Variants in PCDH15 observed in about 807,000 individuals in gnomAD.
The protein encoded by PCDH15 is protocadherin related 15, also known as protocadherin-15.
In PCDH15, 129 loss-of-function variants were observed where a neutral mutation model predicts 178.5. The ratio of observed to expected loss-of-function variants is 0.72; its 90% CI spans 0.63 to 0.84. PCDH15 has a LOEUF of 0.84. Ranked by LOEUF, PCDH15 falls within the 40% of genes least tolerant of loss-of-function variation. The pLI, the probability that PCDH15 is intolerant of heterozygous loss-of-function variation, is 0.00. For synonymous variants in PCDH15, 800 were observed against 732.0 expected (o/e 1.09, Z -1.50); for missense variants, 2,230 against 2,099.9 (o/e 1.06, Z -1.21).
chr10:54,011,808 C>G (rs762202637), intron 20 of PCDH15, among the ~76,000 whole-genome samples: 4 of 152,204 alleles, frequency 2.6e-5, no homozygotes, highest in African/African-American at 4.8e-5. Flanking sequence ...TCAAATTAGA[C>G]AGTTGAAAGA....
At chr10:55,137,165 A>G (rs1237334574) in intron 2 of PCDH15, among the ~76,000 whole-genome samples, 2 of 152,208 alleles carry the variant, frequency 1.3e-5, no homozygotes, top group Non-Finnish European at 2.9e-5. Flanking sequence ...GTACCGCATG[A>G]TATTTCATAC....
intron 37 of PCDH15, among the ~76,000 whole-genome samples, chr10:53,809,767 A>G (rs1433427549): frequency 6.6e-6 from 1 of 152,182 alleles, no homozygotes; most frequent in Admixed American, 6.6e-5. Flanking sequence ...TACAATACCC[A>G]AATATATTAA....
intron 20 of PCDH15, among the ~76,000 whole-genome samples, chr10:54,016,023 G>C (rs1364147883): frequency 6.6e-6 from 1 of 152,118 alleles, no homozygotes; most frequent in South Asian, 2.1e-4. Flanking sequence ...CTACGCATCT[G>C]ACAAAGGTCA....
chr10:54,175,804 A>G (rs955897633), intron 13 of PCDH15, among the ~76,000 whole-genome samples: 20 of 152,180 alleles, frequency 1.3e-4, no homozygotes, highest in African/African-American at 4.6e-4. Flanking sequence ...TTTCTATAAA[A>G]TTAGGCTATA....
intron 3 of PCDH15, among the ~76,000 whole-genome samples, chr10:54,418,303 A>G (rs368030787): frequency 1.3e-5 from 2 of 152,282 alleles, no homozygotes; most frequent in African/African-American, 4.8e-5. Context: ...TTATGTACAT[A>G]TGTGTATACA....
intron 17 of PCDH15, 61 bp downstream of exon 17, chr10:54,079,270 T>C: frequency 7.0e-7 from 1 of 1,435,830 alleles, no homozygotes; most frequent in Admixed American, 1.7e-5. Context: ...ATACATTGTT[T>C]AAGACTCTCT....
intron 3 of PCDH15, among the ~76,000 whole-genome samples, chr10:54,460,868 T>A (rs902614124): frequency 6.6e-6 from 1 of 152,104 alleles, no homozygotes; most frequent in African/African-American, 2.4e-5. Flanking sequence ...AAATAGCCAA[T>A]GCTAATTAGA....
chr10:54,461,376 A>C (rs780432513), intron 3 of PCDH15, among the ~76,000 whole-genome samples: 2 of 152,116 alleles, frequency 1.3e-5, no homozygotes, highest in Non-Finnish European at 2.9e-5. Context: ...ACATTAGCAC[A>C]CAAAAAAATA....
chr10:55,359,683 T>C lies in PCDH15; in HGVS notation c.-155-193032A>G, dbSNP rs544590104. Reference sequence around the variant, plus strand: ...CACCAAGATATATATTCAACCAAACTCCCTATCAATAGATGAACAAATAAA... The same window carrying C: ...CACCAAGATATATATTCAACCAAACCCCCTATCAATAGATGAACAAATAAA... On this transcript the variant is annotated intron_variant, in intron 2 of 5. Coordinates refer to the PCDH15 transcript ENST00000613346. Among the ~76,000 whole-genome samples the C allele has an allele frequency of 2.9e-3, 427 of 144,992 alleles. 1 individual carries two copies. The highest frequency in any genetic ancestry group is 0.011 in the African/African-American group (408 of 38,776).
intron 1 of PCDH15, among the ~76,000 whole-genome samples, chr10:55,244,417 G>A (rs1841634848): frequency 6.6e-6 from 1 of 151,972 alleles, no homozygotes; most frequent in Non-Finnish European, 1.5e-5. Context: ...ATGTTCCCCA[G>A]AATATCTTTT....
chr10:55,564,923 T>C (rs778995854), intron 2 of PCDH15, among the ~76,000 whole-genome samples: 5 of 151,534 alleles, frequency 3.3e-5, no homozygotes, highest in Non-Finnish European at 7.4e-5. Flanking sequence ...AAATCTACCC[T>C]TAGTAATGGA....
At chr10:55,237,133 C>T (rs942656561) in intron 1 of PCDH15, among the ~76,000 whole-genome samples, 1 of 152,020 alleles carries the variant, frequency 6.6e-6, no homozygotes, top group African/African-American at 2.4e-5. Flanking sequence ...TTCTTTTTAA[C>T]ATTAGAAAAG....
intron 5 of PCDH15, among the ~76,000 whole-genome samples, chr10:54,352,888 T>C (rs1417178706): frequency 6.6e-6 from 1 of 152,112 alleles, no homozygotes; most frequent in African/African-American, 2.4e-5. Context: ...TCCTTTAACT[T>C]TCTCCCCAGA....
intron 2 of PCDH15, among the ~76,000 whole-genome samples, chr10:54,947,446 A>T (rs1838223473): frequency 6.6e-6 from 1 of 151,928 alleles, no homozygotes; most frequent in African/African-American, 2.4e-5. Context: ...CCCTTGAATG[A>T]TATTTTACAT....
At chr10:53,826,663 A>C (rs893012148) in intron 32 of PCDH15, among the ~76,000 whole-genome samples, 1 of 152,160 alleles carries the variant, frequency 6.6e-6, no homozygotes, top group Non-Finnish European at 1.5e-5. Context: ...GGGTAGCATC[A>C]TTATACAAGC....
intron 9 of PCDH15, among the ~76,000 whole-genome samples, chr10:54,228,875 T>C (rs1418440200): frequency 6.6e-6 from 1 of 152,238 alleles, no homozygotes; most frequent in East Asian, 1.9e-4. Flanking sequence ...CAGCTCTTTC[T>C]ACATGCCTTA....
intron 1 of PCDH15, among the ~76,000 whole-genome samples, chr10:55,233,591 T>A (rs1387052380): frequency 6.6e-6 from 1 of 151,984 alleles, no homozygotes; most frequent in Non-Finnish European, 1.5e-5. Context: ...AATATTTGAG[T>A]AAACTTTACC....
intron 1 of PCDH15, among the ~76,000 whole-genome samples, chr10:54,735,691 A>G (rs1944011161): frequency 1.7e-5 from 2 of 119,694 alleles, no homozygotes; most frequent in South Asian, 5.8e-4. Context: ...CAGCCATAAA[A>G]AATGATGAGT....
intron 3 of PCDH15, among the ~76,000 whole-genome samples, chr10:54,390,673 T>C (rs907060876): frequency 3.9e-5 from 6 of 152,154 alleles, no homozygotes; most frequent in Non-Finnish European, 8.8e-5. Flanking sequence ...AAAGCTAACA[T>C]TTCTTATGGC....
Sources: gnomAD v4.1 joint callset for allele counts (sites outside exome capture counted in the v4.1 genomes callset) on GRCh38, gnomAD v4.1.1 for gene constraint, MANE v1.5 for transcripts, NCBI Gene and HGNC (gene_info 2026-07-23, HGNC 2026-07-21) for gene names.